Variants in GPC6 observed in about 807,000 individuals in gnomAD.
GPC6 encodes the protein glypican 6.
A neutral mutation model predicts 55.2 loss-of-function variants in GPC6; 14 were observed. That is an observed-to-expected ratio of 0.25 (90% CI 0.17 to 0.40). The LOEUF (loss-of-function observed/expected upper bound fraction) is 0.40, where lower values mean the gene tolerates loss of function less well. Among genes scored for constraint, GPC6 ranks in the 10% least tolerant of loss-of-function variants. The pLI, the probability that GPC6 is intolerant of heterozygous loss-of-function variation, is 1.00. For missense variants in GPC6, 641 were observed against 708.5 expected (o/e 0.90, Z 1.08); for synonymous variants, 278 against 259.6 (o/e 1.07, Z -0.68).
intron 3 of GPC6, among the ~76,000 whole-genome samples, chr13:93,907,382 G>T (rs188606154): frequency 1.2e-3 from 175 of 152,120 alleles, no homozygotes; most frequent in African/African-American, 4.2e-3. Context: ...TCAAATTGTT[G>T]TCTTGTTCTA....
intron 2 of GPC6, among the ~76,000 whole-genome samples, chr13:93,783,872 CA>C (rs1594453850): frequency 6.6e-6 from 1 of 152,144 alleles, no homozygotes; most frequent in African/African-American, 2.4e-5. Context: ...ATTCATTCTT[CA>C]AAATTTTTTC....
At chr13:93,606,716 G>C (rs566995321) in intron 2 of GPC6, among the ~76,000 whole-genome samples, 2 of 152,294 alleles carry the variant, frequency 1.3e-5, no homozygotes, top group East Asian at 3.9e-4. Context: ...AGATCAACTA[G>C]ATGTACATCA....
chr13:94,366,820 A>T (rs1302476808), intron 6 of GPC6, among the ~76,000 whole-genome samples: 4 of 152,244 alleles, frequency 2.6e-5, no homozygotes, highest in Admixed American at 2.0e-4. Context: ...ACCTTTGGTC[A>T]GCAGCGAATC....
intron 3 of GPC6, among the ~76,000 whole-genome samples, chr13:93,894,098 T>C (rs1052523205): frequency 1.3e-5 from 2 of 152,176 alleles, no homozygotes; most frequent in Admixed American, 1.3e-4. Flanking sequence ...AGTAATAAAT[T>C]GATTAATTTT....
chr13:93,390,258 G>C (rs1046848851), intron 1 of GPC6, among the ~76,000 whole-genome samples: 1 of 151,908 alleles, frequency 6.6e-6, no homozygotes, highest in Non-Finnish European at 1.5e-5. Flanking sequence ...TTGGTAAACC[G>C]TTCTGGGAAC....
intron 3 of GPC6, among the ~76,000 whole-genome samples, chr13:93,839,919 C>T (rs969956593): frequency 3.3e-5 from 5 of 151,908 alleles, no homozygotes; most frequent in Non-Finnish European, 5.9e-5. Flanking sequence ...GATATCAGTC[C>T]GTAGTTTTCT....
intron 1 of GPC6, among the ~76,000 whole-genome samples, chr13:93,229,656 C>A (rs1282809791): frequency 6.6e-6 from 1 of 151,654 alleles, no homozygotes; most frequent in African/African-American, 2.4e-5. Flanking sequence ...GGTTTCCTCC[C>A]CACCTTTTTA....
At chr13:94,154,617 C>G (rs1173290538) in intron 4 of GPC6, among the ~76,000 whole-genome samples, 1 of 152,064 alleles carries the variant, frequency 6.6e-6, no homozygotes, top group Non-Finnish European at 1.5e-5. Flanking sequence ...AGACCTTGGC[C>G]GAAGTCCCAG....
At chr13:93,275,480 A>C (rs1877701730) in intron 1 of GPC6, among the ~76,000 whole-genome samples, 1 of 152,244 alleles carries the variant, frequency 6.6e-6, no homozygotes, top group Non-Finnish European at 1.5e-5. Flanking sequence ...GGAATCAATT[A>C]GTATATTAGT....
chr13:93,375,313 G>A (rs572715023), intron 1 of GPC6, among the ~76,000 whole-genome samples: 1 of 152,272 alleles, frequency 6.6e-6, no homozygotes. Context: ...AGCCAAGCGA[G>A]GGAGAGAGAT....
intron 3 of GPC6, among the ~76,000 whole-genome samples, chr13:93,933,798 A>G (rs544041054): frequency 3.0e-4 from 45 of 152,346 alleles, no homozygotes; most frequent in African/African-American, 7.2e-4. Flanking sequence ...ATCCAATAGT[A>G]GACCAAATTA....
At chr13:93,812,142 T>TGGGGGGGGGGGGGGGGGGG (rs35966772) in intron 2 of GPC6, among the ~76,000 whole-genome samples, 2 of 73,816 alleles carry the variant, frequency 2.7e-5, no homozygotes, top group African/African-American at 4.2e-5. Flanking sequence ...TGCAAGGCGG[T>TGGGGGGGGGGGGGGGGGGG]GGGGGGGGGG....
chr13:93,865,202 T>A (rs540553624), intron 3 of GPC6, among the ~76,000 whole-genome samples: 1 of 151,598 alleles, frequency 6.6e-6, no homozygotes, highest in Non-Finnish European at 1.5e-5. Context: ...TCCTCTCCAG[T>A]TGGAAGATAA....
chr13:94,086,227 C>T (rs1373386741), intron 4 of GPC6, among the ~76,000 whole-genome samples: 1 of 152,148 alleles, frequency 6.6e-6, no homozygotes, highest in African/African-American at 2.4e-5. Context: ...CTGCATGCAG[C>T]CAACAGCATT....
intron 6 of GPC6, among the ~76,000 whole-genome samples, chr13:94,365,737 T>C (rs1479056339): frequency 1.3e-5 from 2 of 152,220 alleles, no homozygotes; most frequent in South Asian, 4.1e-4. Flanking sequence ...GATGGAATCA[T>C]GTTTGCAATA....
chr13:94,289,062 G>A (rs956331801), intron 5 of GPC6, among the ~76,000 whole-genome samples: 1 of 150,264 alleles, frequency 6.7e-6, no homozygotes, highest in African/African-American at 2.5e-5. Flanking sequence ...TGGGATCCCA[G>A]CTGTGTAGCT....
At chr13:93,375,103 T>C (rs1166925835) in intron 1 of GPC6, among the ~76,000 whole-genome samples, 1 of 152,182 alleles carries the variant, frequency 6.6e-6, no homozygotes, top group Non-Finnish European at 1.5e-5. Context: ...CTTCGTAAAT[T>C]AAAAATAGCT....
chr13:93,962,035 A>G (rs184238984), intron 3 of GPC6, among the ~76,000 whole-genome samples: 3 of 152,278 alleles, frequency 2.0e-5, no homozygotes, highest in East Asian at 1.9e-4. Context: ...ACAACAGCCC[A>G]TTCAGGTCGA....
chr13:94,353,467 A>G (rs1172967405), intron 6 of GPC6, among the ~76,000 whole-genome samples: 1 of 152,188 alleles, frequency 6.6e-6, no homozygotes, highest in Non-Finnish European at 1.5e-5. Flanking sequence ...ATAAAACAAA[A>G]CAATCTGGAT....
Sources: gnomAD v4.1 joint callset for allele counts (sites outside exome capture counted in the v4.1 genomes callset) on GRCh38, gnomAD v4.1.1 for gene constraint, MANE v1.5 for transcripts, NCBI Gene and HGNC (gene_info 2026-07-23, HGNC 2026-07-21) for gene names.